ANKMY2: variants seen among roughly 807,000 people sequenced by gnomAD.
ANKMY2 encodes ankyrin repeat and MYND domain containing 2.
In ANKMY2, 36 loss-of-function variants were observed where a neutral mutation model predicts 50.4. That is an observed-to-expected ratio of 0.71 (90% CI 0.55 to 0.94). The LOEUF (loss-of-function observed/expected upper bound fraction) is 0.94. Ranked by LOEUF, ANKMY2 falls within the 40% of genes least tolerant of loss-of-function variation. The pLI, the probability that ANKMY2 is intolerant of heterozygous loss-of-function variation, is 0.00. For missense variants in ANKMY2, 565 were observed against 524.0 expected, an observed-to-expected ratio of 1.08 and a Z score of -0.76; for synonymous variants, 187 against 178.8, an observed-to-expected ratio of 1.05 and a Z score of -0.36.
chr7:16,635,666 T>C (rs1262957227), intron 2 of ANKMY2, among the ~76,000 whole-genome samples: 1 of 152,208 alleles, frequency 6.6e-6, no homozygotes, highest in African/African-American at 2.4e-5. Context: ...CCAAAACTTA[T>C]TTTAGAAGCA....
intron 4 of ANKMY2, 87 bp from the exon 5 acceptor site, chr7:16,615,991 T>C: frequency 6.9e-6 from 9 of 1,307,588 alleles, no homozygotes; most frequent in Non-Finnish European, 9.4e-6. Context: ...GCTATTTTTG[T>C]GATGTAAACA....
intron 2 of ANKMY2, among the ~76,000 whole-genome samples, chr7:16,632,220 CT>C (rs1162375823): frequency 6.6e-6 from 1 of 150,440 alleles, no homozygotes; most frequent in Non-Finnish European, 1.5e-5. Context: ...ATAATTTTTA[CT>C]GTTTTTTCTT....
intron 4 of ANKMY2, among the ~76,000 whole-genome samples, chr7:16,619,075 C>G (rs1202617161): frequency 6.6e-6 from 1 of 151,996 alleles, no homozygotes; most frequent in Admixed American, 6.6e-5. Context: ...AAGCAGGCAG[C>G]AGGTAGAAAT....
At chr7:16,624,353 T>C (rs1349697431) in intron 4 of ANKMY2, among the ~76,000 whole-genome samples, 1 of 152,208 alleles carries the variant, frequency 6.6e-6, no homozygotes, top group Non-Finnish European at 1.5e-5. Flanking sequence ...TTTCCTTACA[T>C]TATGTCAAGC....
chr7:16,611,081 A>T (rs1781243109), intron 5 of ANKMY2, among the ~76,000 whole-genome samples: 1 of 152,246 alleles, frequency 6.6e-6, no homozygotes, highest in African/African-American at 2.4e-5. Flanking sequence ...TTTACTAAAG[A>T]TAAACATGAC....
chr7:16,642,406 G>A (rs1377736985), intron 1 of ANKMY2, among the ~76,000 whole-genome samples: 1 of 152,022 alleles, frequency 6.6e-6, no homozygotes, highest in East Asian at 1.9e-4. Context: ...GATTTAAATG[G>A]GTATGTTGGA....
chr7:16,610,475 A>AT (rs2128342510), intron 6 of ANKMY2, 74 bp downstream of exon 6: 1 of 1,257,264 alleles, frequency 8.0e-7, no homozygotes, highest in East Asian at 2.4e-5. Flanking sequence ...TTTGAAACAC[A>AT]TAATAATGAG....
intron 3 of ANKMY2, among the ~76,000 whole-genome samples, chr7:16,626,144 C>T (rs1173403967): frequency 2.4e-4 from 36 of 151,952 alleles, no homozygotes; most frequent in Admixed American, 2.4e-3. Flanking sequence ...CTGTCCCTGG[C>T]TAATATTTGT....
rs1240628708 is a variant in ANKMY2 at position 16,645,534 on chromosome 7, T to C, written c.40A>G (p.Lys14Glu). 1.9e-6 allele frequency: 3 copies of C among 1,611,742 alleles called. No homozygotes were observed. Among genetic ancestry groups the C allele is most frequent in the African/African-American group, 1.3e-5 (1 of 74,716 alleles). Residue 14 changes from lysine (K) to glutamate (E), a missense_variant, in exon 1 of 10, where the codon AAG (lysine) becomes GAG (glutamate). Transcript: ENST00000306999. ...TTCCCGATGACTTCCAGTAGCTCCTTCTCCTCCTGGGTCAGCTCGCCTTTC... is the reference window on the plus strand; with the variant it reads ...TTCCCGATGACTTCCAGTAGCTCCTCCTCCTCCTGGGTCAGCTCGCCTTTC... ...IKKGELTQEE[K>E]ELLEVIGKGT...
At chr7:16,617,880 T>C (rs531769065) in intron 4 of ANKMY2, among the ~76,000 whole-genome samples, 2 of 151,224 alleles carry the variant, frequency 1.3e-5, no homozygotes, top group African/African-American at 2.4e-5. Context: ...GGCAGGAGGA[T>C]TGCTTGGGGC....
chr7:16,633,526 C>T (rs1010519457), intron 2 of ANKMY2, among the ~76,000 whole-genome samples: 33 of 151,996 alleles, frequency 2.2e-4, no homozygotes, highest in Non-Finnish European at 1.0e-4. Flanking sequence ...CCTATATCTT[C>T]ATTAACCTGA....
At position 16,600,918 on chromosome 7, in the gene ANKMY2, C is replaced by A. The variant is rs780685529; in HGVS notation, c.1169G>T (p.Cys390Phe). 5.0e-6 allele frequency: 8 copies of A among 1,600,206 alleles called. No individual in the cohort carries two copies. The highest frequency in any genetic ancestry group is 1.1e-5 in the South Asian group (1 of 88,740). Residue 390 changes from cysteine (C) to phenylalanine (F), a missense_variant, in exon 10 of 10, where the codon TGT becomes TTT. Transcript: ENST00000306999. Reference protein sequence around the residue: ...NHGKLDVNSNCVNEEQPEAEV... With the variant: ...NHGKLDVNSNFVNEEQPEAEV... ...AGCCTCTGGTTGCTCTTCATTAACA[C>A]AGTTAGAATTGACATCAAGTTTGCC...
chr7:16,635,713 T>C (rs774577387), intron 2 of ANKMY2, among the ~76,000 whole-genome samples: 27 of 152,180 alleles, frequency 1.8e-4, no homozygotes, highest in Admixed American at 7.2e-4. Flanking sequence ...TCACTTAACT[T>C]TCCCTAGAAC....
intron 8 of ANKMY2, 65 bp from the exon 9 acceptor site, chr7:16,602,574 C>A: frequency 1.3e-6 from 2 of 1,548,148 alleles, no homozygotes; most frequent in Non-Finnish European, 1.7e-6. Flanking sequence ...CTAACTATGA[C>A]TAAACCAAGA....
At chr7:16,636,499 G>C (rs1460512690) in intron 1 of ANKMY2, 44 bp from the exon 2 acceptor site, 1 of 1,446,296 alleles carries the variant, frequency 6.9e-7, no homozygotes, top group Non-Finnish European at 9.4e-7. Context: ...TTCGTCACTA[G>C]AATAAGAGAA....
rs568179596 is a variant in ANKMY2 at position 16,606,309 on chromosome 7, G to A, written c.883-1460C>T. ...AGCCAGGCATGGTGGCACGCCTGTA[G>A]TCCCAGCTACTTGGGAGGCTGAGGC... On this transcript the variant is annotated intron_variant, in intron 7 of 9. Transcript: ENST00000306999. Among the ~76,000 whole-genome samples, 7 of 152,082 alleles carry A rather than the reference G, an allele frequency of 4.6e-5. 1 individual carries two copies. In the South Asian group the frequency reaches 1.2e-3, roughly 27 times the overall value.
chr7:16,620,909 A>G (rs1171559874), intron 4 of ANKMY2, among the ~76,000 whole-genome samples: 1 of 152,222 alleles, frequency 6.6e-6, no homozygotes, highest in Non-Finnish European at 1.5e-5. Flanking sequence ...GTAGAACTAA[A>G]AGAATTCAAC....
chr7:16,602,636 G>A (rs1424468856), intron 8 of ANKMY2, 127 bp from the exon 9 acceptor site: 22 of 1,219,104 alleles, frequency 1.8e-5, no homozygotes, highest in Non-Finnish European at 2.5e-5. Flanking sequence ...ACCATAATAT[G>A]TGGTTGATAT....
intron 1 of ANKMY2, among the ~76,000 whole-genome samples, chr7:16,639,726 G>C (rs1781720498): frequency 6.6e-6 from 1 of 152,274 alleles, no homozygotes; most frequent in East Asian, 1.9e-4. Flanking sequence ...AGGCTGCAGT[G>C]AGCTATGATC....
Sources: allele counts gnomAD v4.1 joint callset (sites outside exome capture counted in the v4.1 genomes callset), GRCh38; gene constraint gnomAD v4.1.1; transcripts MANE v1.5; gene names NCBI Gene and HGNC (gene_info 2026-07-23, HGNC 2026-07-21).